GALNT17: variants seen among roughly 807,000 people sequenced by gnomAD.
The protein encoded by GALNT17 is UDP-GalNAc:polypeptide N-acetylgalactosaminyltransferase-like 3.
A neutral mutation model predicts 63.7 loss-of-function variants in GALNT17; 29 were observed. That is an observed-to-expected ratio of 0.46 (90% CI 0.34 to 0.62). GALNT17 has a LOEUF of 0.62. Ranked by LOEUF, GALNT17 falls within the 20% of genes least tolerant of loss-of-function variation. GALNT17 has a pLI of 0.01. For synonymous variants in GALNT17, 305 were observed against 318.3 expected (o/e 0.96, Z 0.45); for missense variants, 603 against 799.6 (o/e 0.75, Z 2.97).
intron 3 of GALNT17, among the ~76,000 whole-genome samples, chr7:71,413,869 TGTTTGG>T (rs879508696): frequency 0.077 from 11,678 of 152,216 alleles, 553 homozygotes; most frequent in Middle Eastern, 0.18. Flanking sequence ...CATACACTGT[TGTTTGG>T]AACAGTGTAT....
intron 1 of GALNT17, among the ~76,000 whole-genome samples, chr7:71,202,455 G>A (rs1335555950): frequency 6.6e-6 from 1 of 152,050 alleles, no homozygotes; most frequent in Non-Finnish European, 1.5e-5. Flanking sequence ...TTAACTTTAT[G>A]TCACAAAGAT....
chr7:71,423,136 G>A (rs1583939521), intron 5 of GALNT17, among the ~76,000 whole-genome samples: 1 of 152,328 alleles, frequency 6.6e-6, no homozygotes, highest in African/African-American at 2.4e-5. Context: ...ATGGGGGACA[G>A]GGTATGGTGG....
chr7:71,294,412 T>C (rs965695878), intron 1 of GALNT17, among the ~76,000 whole-genome samples: 1 of 110,542 alleles, frequency 9.0e-6, no homozygotes, highest in African/African-American at 4.5e-5. Flanking sequence ...ATAAGTCCTT[T>C]TTTTTTTTTT....
At chr7:71,315,388 T>C (rs897414876) in intron 1 of GALNT17, among the ~76,000 whole-genome samples, 3 of 152,208 alleles carry the variant, frequency 2.0e-5, no homozygotes, top group Non-Finnish European at 4.4e-5. Context: ...GGTACATACC[T>C]AGGAGCGGAA....
intron 1 of GALNT17, among the ~76,000 whole-genome samples, chr7:71,288,944 A>T (rs1790927434): frequency 6.6e-6 from 1 of 152,224 alleles, no homozygotes; most frequent in Non-Finnish European, 1.5e-5. Context: ...AAAAACCATC[A>T]ACTACATAAT....
intron 6 of GALNT17, among the ~76,000 whole-genome samples, chr7:71,579,130 A>G (rs150790636): frequency 6.6e-6 from 1 of 152,322 alleles, no homozygotes; most frequent in Non-Finnish European, 1.5e-5. Context: ...GTGTGAAGGA[A>G]GTCATCCTTG....
At chr7:71,461,701 G>A (rs1787453384) in intron 5 of GALNT17, among the ~76,000 whole-genome samples, 1 of 152,174 alleles carries the variant, frequency 6.6e-6, no homozygotes, top group Admixed American at 6.5e-5. Flanking sequence ...GCAGTCCCAC[G>A]TGACTTCTTG....
At chr7:71,255,405 C>T (rs1223479903) in intron 1 of GALNT17, among the ~76,000 whole-genome samples, 2 of 152,182 alleles carry the variant, frequency 1.3e-5, no homozygotes, top group Non-Finnish European at 2.9e-5. Context: ...GAGGCTTTGC[C>T]AGCCATGTGG....
chr7:71,603,069 C>T (rs1343533015), intron 6 of GALNT17, among the ~76,000 whole-genome samples: 2 of 152,018 alleles, frequency 1.3e-5, no homozygotes, highest in Admixed American at 1.3e-4. Flanking sequence ...GGATACTATG[C>T]TAAGTGCATA....
intron 6 of GALNT17, among the ~76,000 whole-genome samples, chr7:71,660,036 A>G (rs968105616): frequency 2.6e-5 from 4 of 152,170 alleles, no homozygotes; most frequent in African/African-American, 4.8e-5. Context: ...TCTTTGATTA[A>G]TGCATTTCCC....
chr7:71,251,067 G>C (rs968234310), intron 1 of GALNT17, among the ~76,000 whole-genome samples: 2 of 152,042 alleles, frequency 1.3e-5, no homozygotes, highest in Admixed American at 6.6e-5. Flanking sequence ...TGTGCACAAC[G>C]TGCAGGTTTG....
chr7:71,498,451 ACT>A (rs2116694614), intron 5 of GALNT17, among the ~76,000 whole-genome samples: 1 of 152,172 alleles, frequency 6.6e-6, no homozygotes, highest in African/African-American at 2.4e-5. Flanking sequence ...ACAGAGTGAG[ACT>A]CTGTCTCAAA....
At chr7:71,530,348 GCA>G (rs199651274) in intron 5 of GALNT17, among the ~76,000 whole-genome samples, 13 of 151,602 alleles carry the variant, frequency 8.6e-5, no homozygotes, top group African/African-American at 2.7e-4. Flanking sequence ...ACACACACAC[GCA>G]CACACACACA....
Position 71,453,779 on chromosome 7 carries a change from T to A in GALNT17, c.962+32674T>A, listed in dbSNP as rs143321523. ...AGGATGCTGTCCCAGACTTCCGCTC[T>A]TGACTGTCTCATCTCTTTCAGCACC... is the stretch of plus-strand genomic sequence containing the variant. On this transcript the variant is annotated intron_variant, in intron 5 of 10. Transcript: ENST00000333538. 1.1e-4 allele frequency among the ~76,000 whole-genome samples: 17 copies of A among 152,366 alleles called. No homozygotes were observed. The East Asian group carries it at 3.3e-3, about 29-fold the overall frequency.
At chr7:71,536,266 C>T (rs772729227) in intron 5 of GALNT17, among the ~76,000 whole-genome samples, 16 of 152,192 alleles carry the variant, frequency 1.1e-4, no homozygotes, top group Non-Finnish European at 1.9e-4. Flanking sequence ...CTGGGTCTCA[C>T]CTTTTCTCCA....
chr7:71,145,701 T>G (rs543125909), intron 1 of GALNT17, among the ~76,000 whole-genome samples: 1 of 152,276 alleles, frequency 6.6e-6, no homozygotes, highest in African/African-American at 2.4e-5. Context: ...TACGGGTTTC[T>G]TAATTTTTTT....
At chr7:71,604,713 C>G (rs1790020605) in intron 6 of GALNT17, among the ~76,000 whole-genome samples, 1 of 152,186 alleles carries the variant, frequency 6.6e-6, no homozygotes, top group Admixed American at 6.5e-5. Flanking sequence ...TTCGCTGGAG[C>G]TTTATAGCAC....
intron 1 of GALNT17, among the ~76,000 whole-genome samples, chr7:71,202,569 T>C (rs1296296575): frequency 6.6e-6 from 1 of 152,228 alleles, no homozygotes; most frequent in Non-Finnish European, 1.5e-5. Context: ...TGTTTTAATA[T>C]CTATATACAT....
intron 1 of GALNT17, among the ~76,000 whole-genome samples, chr7:71,253,127 C>T (rs970217594): frequency 2.6e-5 from 4 of 152,210 alleles, no homozygotes; most frequent in Admixed American, 6.5e-5. Flanking sequence ...CAAATGAATG[C>T]AACCACGTAC....
Sources: gnomAD v4.1 joint callset for allele counts (sites outside exome capture counted in the v4.1 genomes callset) on GRCh38, gnomAD v4.1.1 for gene constraint, MANE v1.5 for transcripts, NCBI Gene and HGNC (gene_info 2026-07-23, HGNC 2026-07-21) for gene names.